PATJ: variants seen among roughly 807,000 people sequenced by gnomAD.
The protein encoded by PATJ is inaD-like protein.
Under a neutral mutation model 224.9 loss-of-function variants are expected in PATJ, and 190 were observed. The observed-to-expected ratio is 0.84, with a 90% confidence interval of 0.75 to 0.95. PATJ has a LOEUF of 0.95. Among genes scored for constraint, PATJ ranks in the 40% least tolerant of loss-of-function variants. The pLI, the probability that PATJ is intolerant of heterozygous loss-of-function variation, is 0.00. For synonymous variants in PATJ, 769 were observed against 820.3 expected (o/e 0.94, Z 1.07); for missense variants, 2,121 against 2,270.3 (o/e 0.93, Z 1.34).
intron 13 of PATJ, among the ~76,000 whole-genome samples, chr1:61,806,614 G>A (rs1027862501): frequency 1.4e-5 from 2 of 140,560 alleles, no homozygotes; most frequent in Non-Finnish European, 3.1e-5. Context: ...GCGAGATTCC[G>A]CCTCAAAAAA....
chr1:62,158,112 C>T lies in PATJ; in HGVS notation c.5503-2796C>T, dbSNP rs150011701. Among the ~76,000 whole-genome samples the T allele has an allele frequency of 8.7e-5, 13 of 149,574 alleles. 1 individual carries two copies. The highest frequency in any genetic ancestry group is 1.2e-4 in the Non-Finnish European group (8 of 67,176). On this transcript the variant is annotated intron_variant, in intron 43 of 43. Transcript: ENST00000642238. ...AGGTAGATAGTAGATGCCCATTTTA[C>T]GGCATCTGAGAAGACTAAGTGACCA...
chr1:62,162,728 C>A lies in PATJ; in HGVS notation c.*1674C>A. 1 of 166,626 alleles carries A rather than the reference C, an allele frequency of 6.0e-6. No individual in the cohort carries two copies. Among genetic ancestry groups the A allele is most frequent in the Non-Finnish European group, 1.3e-5 (1 of 76,128 alleles). 10.3% of individuals were successfully genotyped at this position (166,626 alleles called of 1,614,324 possible). A position where few individuals can be genotyped will look rare whatever the true frequency, so the allele number is the denominator to read the frequency against. On this transcript the variant is annotated 3_prime_UTR_variant, in exon 44 of 44. Coordinates refer to ENST00000642238, the MANE Select transcript of PATJ (RefSeq NM_001350145.3). Reference sequence around the variant, plus strand: ...CTTTGGGAGGCCAGGGCAGGCGAATCATGAGGTCAGGAGTTCGAGACCAGC... The same window carrying A: ...CTTTGGGAGGCCAGGGCAGGCGAATAATGAGGTCAGGAGTTCGAGACCAGC...
intron 16 of PATJ, among the ~76,000 whole-genome samples, chr1:61,829,126 T>C (rs1658860117): frequency 6.6e-6 from 1 of 152,198 alleles, no homozygotes; most frequent in Non-Finnish European, 1.5e-5. Context: ...TAACACTGTC[T>C]TATAGATACT....
At chr1:61,880,898 A>C (rs1479833271) in intron 21 of PATJ, among the ~76,000 whole-genome samples, 1 of 152,216 alleles carries the variant, frequency 6.6e-6, no homozygotes, top group Non-Finnish European at 1.5e-5. Flanking sequence ...GTTCAAGACC[A>C]GCCTGGCCAA....
At chr1:62,088,838 T>C (rs1660360210) in intron 33 of PATJ, among the ~76,000 whole-genome samples, 1 of 147,324 alleles carries the variant, frequency 6.8e-6, no homozygotes, top group Non-Finnish European at 1.5e-5. Context: ...ATATAGAATA[T>C]ATAGAACATA....
chr1:61,952,427 C>G (rs1194117138), intron 27 of PATJ: 2 of 717,100 alleles, frequency 2.8e-6, no homozygotes, highest in African/African-American at 1.7e-5. Flanking sequence ...ATTTCTGTTG[C>G]CTGTGTGATC....
At chr1:61,970,233 T>G (rs1426031484) in intron 27 of PATJ, among the ~76,000 whole-genome samples, 1 of 152,034 alleles carries the variant, frequency 6.6e-6, no homozygotes, top group African/African-American at 2.4e-5. Context: ...TGACTTTAAT[T>G]TTTAGAGCAG....
chr1:61,773,956 T>TA (rs1402605367), intron 6 of PATJ, among the ~76,000 whole-genome samples: 1 of 150,976 alleles, frequency 6.6e-6, no homozygotes, highest in Non-Finnish European at 1.5e-5. Flanking sequence ...CCATCTCTAC[T>TA]AAAAATACAA....
chr1:62,089,940 G>A (rs184437990), intron 33 of PATJ, among the ~76,000 whole-genome samples: 28 of 152,268 alleles, frequency 1.8e-4, no homozygotes, highest in African/African-American at 6.0e-4. Flanking sequence ...CTTAACATCT[G>A]CTCCAAACCT....
chr1:62,026,423 G>A (rs1206901107), intron 29 of PATJ, among the ~76,000 whole-genome samples: 1 of 151,810 alleles, frequency 6.6e-6, no homozygotes, highest in African/African-American at 2.4e-5. Flanking sequence ...CAATATCCAG[G>A]CCTGGTGAGT....
chr1:62,062,825 T>C, intron 31 of PATJ, among the ~76,000 whole-genome samples: 1 of 152,120 alleles, frequency 6.6e-6, no homozygotes, highest in Admixed American at 6.6e-5. Flanking sequence ...AGTGTGTTCT[T>C]GTCCTTTGCC....
intron 27 of PATJ, among the ~76,000 whole-genome samples, chr1:61,960,046 A>C (rs1386258540): frequency 6.6e-6 from 1 of 152,038 alleles, no homozygotes; most frequent in Non-Finnish European, 1.5e-5. Flanking sequence ...AAATAAGTAA[A>C]TGATGTTTCA....
intron 16 of PATJ, among the ~76,000 whole-genome samples, chr1:61,832,156 A>G (rs951142321): frequency 3.3e-4 from 51 of 152,268 alleles, no homozygotes; most frequent in African/African-American, 1.1e-3. Context: ...AGAGAACAAT[A>G]TACGCTGGGG....
rs1207842245 is a variant in PATJ, at chr1:61,812,427, A to T, written c.1683+3897A>T. On this transcript the variant is annotated intron_variant, in intron 14 of 43. Coordinates refer to ENST00000642238, the MANE Select transcript of PATJ (RefSeq NM_001350145.3). ...GTGACTGAGAGAGAGAGAGAGAGAG[A>T]GAGAGAGTGTGTGTGTGTGTGTGTG... Among the ~76,000 whole-genome samples, 184 of 113,044 alleles carry T rather than the reference A, an allele frequency of 1.6e-3. 1 individual carries two copies. The highest frequency in any genetic ancestry group is 8.4e-3 in the Middle Eastern group (2 of 238). 74.2% of individuals were successfully genotyped at this position (113,044 alleles called of 152,430 possible). A position where few individuals can be genotyped will look rare whatever the true frequency, so the allele number is the denominator to read the frequency against.
chr1:61,780,332 GTGC>G (rs1348464020), intron 7 of PATJ, among the ~76,000 whole-genome samples: 1 of 152,062 alleles, frequency 6.6e-6, no homozygotes, highest in Non-Finnish European at 1.5e-5. Context: ...AGGTGTGGAG[GTGC>G]ATGCCCATAA....
intron 8 of PATJ, among the ~76,000 whole-genome samples, chr1:61,789,289 G>A (rs926123568): frequency 6.6e-6 from 1 of 151,268 alleles, no homozygotes; most frequent in African/African-American, 2.4e-5. Context: ...CTGGCCAACA[G>A]GGCAAGACTC....
chr1:62,154,621 A>C (rs1272723730), intron 43 of PATJ, among the ~76,000 whole-genome samples: 1 of 147,660 alleles, frequency 6.8e-6, no homozygotes, highest in Non-Finnish European at 1.5e-5. Context: ...AGATGATGCC[A>C]CTACACTCCA....
intron 11 of PATJ, 39 bp from the exon 12 acceptor site, chr1:61,801,584 A>G (rs1165656461): frequency 7.7e-7 from 1 of 1,300,112 alleles, no homozygotes; most frequent in South Asian, 1.8e-5. Context: ...TCAAGTTAGC[A>G]TTAACAAAAT....
intron 42 of PATJ, 140 bp from the exon 43 acceptor site, chr1:62,153,218 T>G (rs1203081902): frequency 3.9e-6 from 2 of 507,730 alleles, no homozygotes; most frequent in Non-Finnish European, 6.1e-6. Flanking sequence ...TCTAGATTGC[T>G]TTCTGAGAGT....
Sources: allele counts gnomAD v4.1 joint callset (sites outside exome capture counted in the v4.1 genomes callset), GRCh38; gene constraint gnomAD v4.1.1; transcripts MANE v1.5; gene names NCBI Gene and HGNC (gene_info 2026-07-23, HGNC 2026-07-21).